Variants in GRM7 observed in about 807,000 individuals in gnomAD.
The protein encoded by GRM7 is glutamate metabotropic receptor 7.
A neutral mutation model predicts 84.5 loss-of-function variants in GRM7; 35 were observed. That is an observed-to-expected ratio of 0.41 (90% CI 0.32 to 0.55). The LOEUF (loss-of-function observed/expected upper bound fraction) is 0.55, where lower values mean the gene tolerates loss of function less well. Ranked by LOEUF, GRM7 falls within the 20% of genes least tolerant of loss-of-function variation. GRM7 has a pLI of 0.19. For missense variants in GRM7, 1,003 were observed against 1,194.6 expected (o/e 0.84, Z 2.36); for synonymous variants, 487 against 455.1 (o/e 1.07, Z -0.89).
Position 6,867,334 on chromosome 3 carries a change from C to T in GRM7, c.519+5427C>T, listed in dbSNP as rs74528780. 8.7e-3 allele frequency among the ~76,000 whole-genome samples: 1,326 copies of T among 152,198 alleles called. 38 individuals carry two copies. Among genetic ancestry groups the T allele is most frequent in the East Asian group, 0.082 (424 of 5,168 alleles). On this transcript the variant is annotated intron_variant, in intron 1 of 9. Transcript: ENST00000357716. ...GCCCAGCTTCGGGACATTCAAGACT[C>T]GATGTCCTTCTCTTCCCAACATTTA...
rs1694810408 is a variant in GRM7, at chr3:6,862,908, C to T, written c.519+1001C>T. On this transcript the variant is annotated intron_variant, in intron 1 of 9. Transcript: ENST00000357716. This position sits in a 1 kb window ranked among gnomAD's most constrained non-coding sequence, Gnocchi z 5.2. ...AGACGGAGAAAAAATGGGAGGAAGG[C>T]GGATCCGGGGCCGCTGAGCGGTGGG... 7.0e-6 allele frequency: 3 copies of T among 425,898 alleles called. No homozygotes were observed. Among genetic ancestry groups the T allele is most frequent in the African/African-American group, 2.1e-5 (1 of 48,390 alleles). 26.4% of individuals were successfully genotyped at this position (425,898 alleles called of 1,614,324 possible). A position where few individuals can be genotyped will look rare whatever the true frequency, so the allele number is the denominator to read the frequency against.
chr3:7,432,004 T>C (rs1406121191), intron 5 of GRM7, among the ~76,000 whole-genome samples: 1 of 152,152 alleles, frequency 6.6e-6, no homozygotes, highest in African/African-American at 2.4e-5. Flanking sequence ...CTTTGAGCAG[T>C]GTGGCTTCCC....
intron 8 of GRM7, among the ~76,000 whole-genome samples, chr3:7,603,430 C>T (rs1696415118): frequency 6.6e-6 from 1 of 152,040 alleles, no homozygotes; most frequent in Admixed American, 6.6e-5. Flanking sequence ...TATGACAAGT[C>T]ACAGAGATCA....
At chr3:6,876,296 A>G (rs1361725454) in intron 1 of GRM7, among the ~76,000 whole-genome samples, 1 of 151,886 alleles carries the variant, frequency 6.6e-6, no homozygotes, top group Non-Finnish European at 1.5e-5. Flanking sequence ...TATGGCATGA[A>G]TCAAGGGCCA....
chr3:7,276,634 A>G (rs1699068269), intron 2 of GRM7, among the ~76,000 whole-genome samples: 2 of 151,788 alleles, frequency 1.3e-5, no homozygotes, highest in South Asian at 4.2e-4. Context: ...CTTTTGGGTT[A>G]TTTTTCAGAT....
Position 6,862,688 on chromosome 3 carries a change from C to CTAACTGA in GRM7, c.519+781_519+782insTAACTGA, listed in dbSNP as rs1553574480. 3.4e-3 allele frequency: 966 copies of CTAACTGA among 283,568 alleles called. 9 individuals carry two copies. Among genetic ancestry groups the CTAACTGA allele is most frequent in the African/African-American group, 0.021 (899 of 43,668 alleles). The allele number at this position is 283,568 out of a possible 1,614,324, so 17.6% of individuals were successfully genotyped here. ...ACCTCAGCCCAGGGATGAGCTCACG[C>CTAACTGA]GAAACGAAATCGCTCTCCCTGCCTC... On this transcript the variant is annotated intron_variant, in intron 1 of 9. Coordinates refer to ENST00000357716, the MANE Select transcript of GRM7 (RefSeq NM_000844.4). The surrounding 1 kb of genome is among the most constrained non-coding windows in gnomAD (Gnocchi z 5.2).
intron 2 of GRM7, among the ~76,000 whole-genome samples, chr3:7,158,118 T>C (rs191069680): frequency 2.6e-5 from 4 of 152,278 alleles, no homozygotes; most frequent in African/African-American, 9.6e-5. Context: ...AGAGGACTTA[T>C]TTAACACACA....
chr3:7,605,760 G>A (rs944811053), intron 8 of GRM7, among the ~76,000 whole-genome samples: 2 of 152,182 alleles, frequency 1.3e-5, no homozygotes, highest in Non-Finnish European at 2.9e-5. Context: ...CTAAAATTAT[G>A]TATGATAACA....
chr3:7,323,324 T>TAGTCTTG (rs1202401470), intron 4 of GRM7, among the ~76,000 whole-genome samples: 3 of 152,128 alleles, frequency 2.0e-5, no homozygotes, highest in Non-Finnish European at 2.9e-5. Context: ...TTTGAAAGGT[T>TAGTCTTG]AGTCTTGACA....
intron 1 of GRM7, among the ~76,000 whole-genome samples, chr3:6,885,625 G>A (rs1389442212): frequency 6.6e-6 from 1 of 152,164 alleles, no homozygotes; most frequent in African/African-American, 2.4e-5. Flanking sequence ...CCCATGTCCG[G>A]TGCAAATGTA....
intron 8 of GRM7, among the ~76,000 whole-genome samples, chr3:7,602,183 G>C (rs182169354): frequency 2.0e-5 from 3 of 151,424 alleles, no homozygotes; most frequent in Admixed American, 6.6e-5. Context: ...TGATGCTTAT[G>C]AGCAGCCCTG....
At position 7,249,297 on chromosome 3, in the gene GRM7, T is replaced by C. The variant is rs528470083; in HGVS notation, c.737-49387T>C. Among the ~76,000 whole-genome samples the C allele has an allele frequency of 7.7e-4, 118 of 152,298 alleles. 4 individuals carry two copies. The Middle Eastern group carries it at 0.01, about 13-fold the overall frequency. ...ATTGAAAATAAAGCCAAAAGGACCC[T>C]AGAGTATATACGTAAATGCTAGTGT... On this transcript the variant is annotated intron_variant, in intron 2 of 9. Coordinates refer to ENST00000357716, the MANE Select transcript of GRM7 (RefSeq NM_000844.4).
intron 1 of GRM7, among the ~76,000 whole-genome samples, chr3:7,045,089 GA>G (rs1294496609): frequency 2.0e-5 from 3 of 152,258 alleles, no homozygotes; most frequent in Middle Eastern, 3.4e-3. Context: ...GTGTGCTTTT[GA>G]GCTGCAGCCT....
intron 2 of GRM7, among the ~76,000 whole-genome samples, chr3:7,180,230 T>G (rs546240982): frequency 6.6e-6 from 1 of 152,336 alleles, no homozygotes; most frequent in African/African-American, 2.4e-5. Context: ...CTTTTCGAAC[T>G]GTTGACAAAT....
chr3:7,028,195 A>G (rs991682072), intron 1 of GRM7, among the ~76,000 whole-genome samples: 2 of 152,174 alleles, frequency 1.3e-5, no homozygotes, highest in African/African-American at 4.8e-5. Flanking sequence ...TCAGCTTACT[A>G]TTTAATAAAT....
intron 1 of GRM7, among the ~76,000 whole-genome samples, chr3:6,988,725 A>G (rs558585770): frequency 6.6e-6 from 1 of 152,222 alleles, no homozygotes; most frequent in Non-Finnish European, 1.5e-5. Context: ...ATTCAGAAGA[A>G]CATGTACTCT....
intron 8 of GRM7, among the ~76,000 whole-genome samples, chr3:7,632,620 G>A (rs73810822): frequency 2.3e-3 from 348 of 152,308 alleles, no homozygotes; most frequent in African/African-American, 7.6e-3. Flanking sequence ...TGAAGACTGA[G>A]ATAATTGAGT....
At chr3:7,640,390 C>T (rs538384090) in intron 8 of GRM7, among the ~76,000 whole-genome samples, 3 of 152,186 alleles carry the variant, frequency 2.0e-5, no homozygotes, top group Non-Finnish European at 2.9e-5. Context: ...AGCAAAGGCT[C>T]AGTGCCTTGT....
intron 7 of GRM7, among the ~76,000 whole-genome samples, chr3:7,491,515 A>G (rs1476619399): frequency 6.6e-6 from 1 of 152,152 alleles, no homozygotes; most frequent in Non-Finnish European, 1.5e-5. Flanking sequence ...TTCTGTGTGT[A>G]TGGCATTGCC....
Sources: allele counts gnomAD v4.1 joint callset (sites outside exome capture counted in the v4.1 genomes callset), GRCh38; gene constraint gnomAD v4.1.1; non-coding constraint Gnocchi (gnomAD v3.1); transcripts MANE v1.5; gene names NCBI Gene and HGNC (gene_info 2026-07-23, HGNC 2026-07-21).